GSE1: variants seen among roughly 807,000 people sequenced by gnomAD.
GSE1 encodes the protein genetic suppressor element 1.
Under a neutral mutation model 112.6 loss-of-function variants are expected in GSE1, and 32 were observed. That is an observed-to-expected ratio of 0.28 (90% CI 0.21 to 0.38). The LOEUF (loss-of-function observed/expected upper bound fraction) is 0.38. Among genes scored for constraint, GSE1 ranks in the 10% least tolerant of loss-of-function variants. The probability of loss-of-function intolerance (pLI) is 1.00; values close to 1 mark genes in which losing one functional copy is unlikely to be tolerated. For synonymous variants in GSE1, 1,115 were observed against 735.6 expected (o/e 1.52, Z -8.35); for missense variants, 2,348 against 1,699.2 (o/e 1.38, Z -6.71).
chr16:85,335,475 T>C (rs984938299), intron 1 of GSE1, among the ~76,000 whole-genome samples: 1 of 150,724 alleles, frequency 6.6e-6, no homozygotes, highest in African/African-American at 2.5e-5. Flanking sequence ...GGCCGTGCTG[T>C]GCGGGCTGGC....
chr16:85,617,123 T>C (rs1438061399), intron 1 of GSE1, among the ~76,000 whole-genome samples: 3 of 152,192 alleles, frequency 2.0e-5, no homozygotes, highest in Non-Finnish European at 4.4e-5. Context: ...GATTCTCCCG[T>C]CTGCTCCAAA....
intron 2 of GSE1, among the ~76,000 whole-genome samples, chr16:85,361,908 C>T (rs547288323): frequency 1.4e-4 from 21 of 152,040 alleles, no homozygotes; most frequent in Non-Finnish European, 2.8e-4. Context: ...TCACTACGGT[C>T]GGATAGGGCC....
At chr16:85,569,313 A>C (rs1017685189) in intron 1 of GSE1, among the ~76,000 whole-genome samples, 8 of 152,204 alleles carry the variant, frequency 5.3e-5, no homozygotes, top group African/African-American at 1.9e-4. Context: ...GATAGTAAGC[A>C]ACCGTGACCT....
intron 2 of GSE1, among the ~76,000 whole-genome samples, chr16:85,547,026 G>A (rs906589911): frequency 6.6e-6 from 1 of 152,194 alleles, no homozygotes; most frequent in Non-Finnish European, 1.5e-5. Flanking sequence ...GTGGAGTGTG[G>A]ACGTGAGTTT....
At chr16:85,508,625 C>G (rs920539594) in intron 2 of GSE1, among the ~76,000 whole-genome samples, 1 of 152,214 alleles carries the variant, frequency 6.6e-6, no homozygotes, top group Non-Finnish European at 1.5e-5. Context: ...CTAAAACATC[C>G]TCGGGGAGGT....
At chr16:85,255,233 C>G (rs151332995) in intron 1 of GSE1, among the ~76,000 whole-genome samples, 1,620 of 152,304 alleles carry the variant, frequency 0.011, 23 homozygotes, top group African/African-American at 0.037. Context: ...TCCCCCGACT[C>G]CTGCTGCCTG....
At chr16:85,263,686 C>A (rs1327734324) in intron 1 of GSE1, among the ~76,000 whole-genome samples, 4 of 152,024 alleles carry the variant, frequency 2.6e-5, no homozygotes, top group Non-Finnish European at 4.4e-5. Context: ...GATTCTCCCG[C>A]CTCAGCCTCC....
intron 1 of GSE1, among the ~76,000 whole-genome samples, chr16:85,186,734 C>T (rs922891542): frequency 6.6e-6 from 1 of 152,158 alleles, no homozygotes; most frequent in South Asian, 2.1e-4. Flanking sequence ...CACTGCACTC[C>T]AGCCTGGGTG....
intron 1 of GSE1, chr16:85,580,363 G>A (rs1342939086): frequency 6.6e-6 from 1 of 152,268 alleles, no homozygotes; most frequent in African/African-American, 2.4e-5. Flanking sequence ...GGAGAAGCGG[G>A]AGGCCTTGGG....
intron 1 of GSE1, among the ~76,000 whole-genome samples, chr16:85,242,688 T>A (rs35561582): frequency 0.25 from 37,527 of 152,124 alleles, 4,770 homozygotes; most frequent in East Asian, 0.37. Flanking sequence ...CCGACCCCAC[T>A]GCTCCTTAGA....
At chr16:85,296,616 A>C (rs1242820967) in intron 1 of GSE1, among the ~76,000 whole-genome samples, 2 of 152,160 alleles carry the variant, frequency 1.3e-5, no homozygotes, top group African/African-American at 4.8e-5. Flanking sequence ...CCAAACAAAC[A>C]AAAACCAAAA....
chr16:85,229,768 A>G (rs2075550357), intron 1 of GSE1, among the ~76,000 whole-genome samples: 1 of 152,226 alleles, frequency 6.6e-6, no homozygotes, highest in Non-Finnish European at 1.5e-5. Context: ...GCTTTTCCTT[A>G]AATCAGAGTA....
At chr16:85,215,646 T>C (rs914066912) in intron 1 of GSE1, among the ~76,000 whole-genome samples, 7 of 152,238 alleles carry the variant, frequency 4.6e-5, no homozygotes, top group African/African-American at 7.2e-5. Context: ...CACGCGGCTG[T>C]TGTTTGTTCA....
At chr16:85,519,886 C>T (rs539119693) in intron 2 of GSE1, among the ~76,000 whole-genome samples, 9 of 152,310 alleles carry the variant, frequency 5.9e-5, no homozygotes, top group Non-Finnish European at 1.0e-4. Context: ...CTAGAAAGCC[C>T]GGCTGGGGGT....
intron 2 of GSE1, among the ~76,000 whole-genome samples, chr16:85,477,660 A>G (rs1597879895): frequency 6.7e-6 from 1 of 149,518 alleles, no homozygotes; most frequent in East Asian, 2.0e-4. Context: ...TGCTGGGTTC[A>G]AGTGATTCTC....
chr16:85,464,362 G>A (rs545374139), intron 2 of GSE1, among the ~76,000 whole-genome samples: 2 of 152,310 alleles, frequency 1.3e-5, no homozygotes, highest in East Asian at 3.9e-4. Context: ...CAGCCGCTTA[G>A]AGAAAAGGGG....
At chr16:85,335,439 G>A (rs960617225) in intron 1 of GSE1, among the ~76,000 whole-genome samples, 48 of 152,240 alleles carry the variant, frequency 3.2e-4, no homozygotes, top group Non-Finnish European at 5.4e-4. Flanking sequence ...GCGCGGAGCC[G>A]GGAGTGGGCA....
intron 1 of GSE1, among the ~76,000 whole-genome samples, chr16:85,338,851 G>T (rs1018586526): frequency 6.6e-6 from 1 of 152,228 alleles, no homozygotes; most frequent in Non-Finnish European, 1.5e-5. Context: ...AGCTGTGATG[G>T]ACAGGTGCTG....
chr16:85,572,396 AACACACCACACACACT>A (rs1450202197), intron 1 of GSE1, among the ~76,000 whole-genome samples: 1 of 135,020 alleles, frequency 7.4e-6, no homozygotes, highest in African/African-American at 2.8e-5. Context: ...CCCACACACA[AACACACCACACACACT>A]ACACACCACA....
Sources: allele counts gnomAD v4.1 joint callset (sites outside exome capture counted in the v4.1 genomes callset), GRCh38; gene constraint gnomAD v4.1.1; transcripts MANE v1.5; gene names NCBI Gene and HGNC (gene_info 2026-07-23, HGNC 2026-07-21).